TBCEL: variants seen among roughly 807,000 people sequenced by gnomAD.
TBCEL encodes tubulin-specific chaperone cofactor E-like protein.
A neutral mutation model predicts 44.2 loss-of-function variants in TBCEL; 15 were observed. That is an observed-to-expected ratio of 0.34 (90% CI 0.23 to 0.52). The LOEUF is 0.52. Among genes scored for constraint, TBCEL ranks in the 20% least tolerant of loss-of-function variants. The pLI, the probability that TBCEL is intolerant of heterozygous loss-of-function variation, is 0.95. For missense variants in TBCEL, 319 were observed against 506.3 expected (o/e 0.63, Z 3.55); for synonymous variants, 171 against 185.4 (o/e 0.92, Z 0.63).
Position 121,045,683 on chromosome 11 carries a change from A to T in TBCEL, c.-8A>T. The T allele has an allele frequency of 6.4e-7, 1 of 1,570,342 alleles. No individual in the cohort carries two copies. Among genetic ancestry groups the T allele is most frequent in the Non-Finnish European group, 8.6e-7 (1 of 1,163,242 alleles). The stretch of plus-strand genomic sequence containing the variant: ...TCTTGGTTTCTTGTAGCATTTTAAG[A>T]AAGAAAGATGGATCAACCTAGTGGA... On this transcript the variant is annotated 5_prime_UTR_variant, in exon 3 of 9. Transcript: ENST00000683345.
At chr11:121,073,513 G>A (rs1017306386) in intron 8 of TBCEL, among the ~76,000 whole-genome samples, 1 of 151,774 alleles carries the variant, frequency 6.6e-6, no homozygotes, top group Non-Finnish European at 1.5e-5. Context: ...CTTACATATA[G>A]AGTAGTTAAT....
intron 2 of TBCEL, 108 bp from the exon 3 acceptor site, chr11:121,045,566 C>T (rs1945415241): frequency 1.2e-6 from 1 of 853,530 alleles, no homozygotes; most frequent in Non-Finnish European, 1.7e-6. Context: ...TATCATATGT[C>T]TTGCAATGCC....
chr11:121,058,366 T>C lies in TBCEL; in HGVS notation c.734T>C (p.Ile245Thr). ...HKSGLQSWED[I>T]DKLNSFPKLE... ...TTAGGTTTGCAGTCCTGGGAAGACA[T>C]TGATAAACTAAATTCATTTCCCAAA... The change falls in exon 7 of 9, where the codon ATT (isoleucine) becomes ACT (threonine). Residue 245 changes from isoleucine to threonine, a missense_variant. Transcript: ENST00000683345. The C allele has an allele frequency of 6.2e-7, 1 of 1,611,606 alleles. No individual in the cohort carries two copies. Among genetic ancestry groups the C allele is most frequent in the Non-Finnish European group, 8.5e-7 (1 of 1,178,188 alleles).
intron 8 of TBCEL, 70 bp downstream of exon 8, chr11:121,060,155 C>A: frequency 1.9e-6 from 2 of 1,051,318 alleles, no homozygotes; most frequent in Non-Finnish European, 2.9e-6. Context: ...AGTGTTAGAG[C>A]AAAATCTAAT....
chr11:121,086,764 T>A lies in TBCEL; in HGVS notation c.957-14T>A, dbSNP rs776739056. The A allele has an allele frequency of 1.3e-6, 2 of 1,596,942 alleles. No homozygotes were observed. The highest frequency in any genetic ancestry group is 1.7e-5 in the Admixed American group (1 of 57,908). ...AGTAGTTTAAGCTGACAGTGTTGTT[T>A]TTAATCCTTCTAGGTATCATGAACT... On this transcript the variant is annotated splice_polypyrimidine_tract_variant and intron_variant, in intron 8 of 8. Coordinates refer to ENST00000683345, the MANE Select transcript of TBCEL (RefSeq NM_001363644.2).
At chr11:121,026,698 T>C (rs1945052310) in intron 1 of TBCEL, among the ~76,000 whole-genome samples, 1 of 152,228 alleles carries the variant, frequency 6.6e-6, no homozygotes, top group Non-Finnish European at 1.5e-5. Context: ...GGCGTTATGC[T>C]GGCATATATC....
intron 1 of TBCEL, 85 bp downstream of exon 1, chr11:121,024,376 C>T (rs1489451803): frequency 6.5e-6 from 1 of 152,742 alleles, no homozygotes; most frequent in African/African-American, 2.4e-5. Flanking sequence ...GAGGGTCGCT[C>T]CTGCAGGGTG....
chr11:121,031,259 TAATA>T (rs1287481331), intron 1 of TBCEL, among the ~76,000 whole-genome samples: 1 of 152,194 alleles, frequency 6.6e-6, no homozygotes, highest in African/African-American at 2.4e-5. Flanking sequence ...TACTAGACAG[TAATA>T]AATTATTTTC....
At position 121,088,533 on chromosome 11, in the gene TBCEL, T is replaced by C. The variant is rs1016484465; in HGVS notation, c.*1437T>C. On this transcript the variant is annotated 3_prime_UTR_variant, in exon 9 of 9. Transcript: ENST00000683345. ...GTTTACAGATGGGAGACTTGAGAGA[T>C]ACTTAGCATAACTGGGGCAGAAAGT... 5 of 152,202 alleles carry C rather than the reference T, an allele frequency of 3.3e-5. No homozygotes were observed. The highest frequency in any genetic ancestry group is 5.9e-5 in the Non-Finnish European group (4 of 68,018). The allele number at this position is 152,202 out of a possible 1,614,324, so 9.4% of individuals were successfully genotyped here.
At chr11:121,070,756 G>C (rs1375166948) in intron 8 of TBCEL, among the ~76,000 whole-genome samples, 2 of 151,148 alleles carry the variant, frequency 1.3e-5, no homozygotes, top group African/African-American at 4.9e-5. Context: ...TAATATAAAT[G>C]ACAAGTTAAT....
intron 1 of TBCEL, among the ~76,000 whole-genome samples, chr11:121,030,442 T>G (rs1169421985): frequency 1.3e-5 from 2 of 152,142 alleles, no homozygotes; most frequent in Non-Finnish European, 2.9e-5. Context: ...ATGATTTGTA[T>G]AAGAGTCAAG....
chr11:121,027,353 G>A (rs771426557), intron 1 of TBCEL, among the ~76,000 whole-genome samples: 28 of 152,120 alleles, frequency 1.8e-4, no homozygotes, highest in Admixed American at 5.9e-4. Context: ...GGTAATAACT[G>A]GACTGTTCCC....
At chr11:121,045,501 T>C (rs1219742167) in intron 2 of TBCEL, among the ~76,000 whole-genome samples, 173 bp from the exon 3 acceptor site, 2 of 152,158 alleles carry the variant, frequency 1.3e-5, no homozygotes, top group African/African-American at 4.8e-5. Flanking sequence ...TATATGTAGC[T>C]TCCCTAAATT....
At position 121,047,552 on chromosome 11, in the gene TBCEL, T is replaced by A. The variant is rs765034522; in HGVS notation, c.158T>A (p.Leu53Gln). ...MKDRLNLPSV[L>Q]VLNSCGITCA... The stretch of plus-strand genomic sequence containing the variant: ...GATCGCCTCAACCTCCCAAGTGTAC[T>A]AGTGTTGAACAGCTGTGGAATAACC... The change falls in exon 4 of 9, where the codon CTA becomes CAA. Residue 53 changes from leucine (L) to glutamine (Q), a missense_variant. Leu to Gln is a moderately radical substitution (Grantham distance 113, BLOSUM62 -2). Transcript: ENST00000683345. The A allele has an allele frequency of 6.2e-7, 1 of 1,612,558 alleles. No individual in the cohort carries two copies. The highest frequency in any genetic ancestry group is 8.5e-7 in the Non-Finnish European group (1 of 1,178,996).
intron 1 of TBCEL, among the ~76,000 whole-genome samples, chr11:121,030,040 A>G (rs1383643222): frequency 1.3e-5 from 2 of 152,170 alleles, no homozygotes; most frequent in Non-Finnish European, 1.5e-5. Context: ...ACTATGAGTG[A>G]TGGTGGCAGT....
At chr11:121,084,681 C>A (rs1042513873) in intron 8 of TBCEL, among the ~76,000 whole-genome samples, 2 of 152,144 alleles carry the variant, frequency 1.3e-5, no homozygotes, top group Non-Finnish European at 2.9e-5. Flanking sequence ...TAGGGTATTA[C>A]AATTTTACTT....
chr11:121,054,377 A>G (rs1167115919), intron 5 of TBCEL, among the ~76,000 whole-genome samples: 2 of 151,808 alleles, frequency 1.3e-5, no homozygotes, highest in African/African-American at 2.4e-5. Flanking sequence ...TTCACACTCT[A>G]ACTCTAATGA....
intron 7 of TBCEL, 67 bp downstream of exon 7, chr11:121,058,538 ACT>A (rs1945663224): frequency 6.3e-7 from 1 of 1,576,856 alleles, no homozygotes; most frequent in Non-Finnish European, 8.7e-7. Flanking sequence ...GGAATAATGC[ACT>A]GTTTAGTGGG....
At position 121,053,646 on chromosome 11, in the gene TBCEL, G is replaced by T. The variant is rs774166139; in HGVS notation, c.369G>T (p.Gly123=). The change falls in exon 5 of 9, where the codon GGG becomes GGT. Residue 123 remains glycine, a synonymous_variant. Coordinates refer to ENST00000683345, the MANE Select transcript of TBCEL (RefSeq NM_001363644.2). The part of the protein sequence containing the change: ...NLSVLERTCA[G]SFSGVRKLVL... ...CGGTTTTAGAAAGAACATGTGCTGGGTCCTTCTCTGGGGTTCGCAAACTTG... is the reference window on the plus strand; with the variant it reads ...CGGTTTTAGAAAGAACATGTGCTGGTTCCTTCTCTGGGGTTCGCAAACTTG... 6.2e-7 allele frequency: 1 copy of T among 1,612,422 alleles called. No homozygotes were observed. The highest frequency in any genetic ancestry group is 1.1e-5 in the South Asian group (1 of 91,030).
Sources: gnomAD v4.1 joint callset for allele counts (sites outside exome capture counted in the v4.1 genomes callset) on GRCh38, gnomAD v4.1.1 for gene constraint, MANE v1.5 for transcripts, NCBI Gene and HGNC (gene_info 2026-07-23, HGNC 2026-07-21) for gene names.